KLF12: variants seen among roughly 807,000 people sequenced by gnomAD.
KLF12 encodes KLF transcription factor 12.
In KLF12, 9 loss-of-function variants were observed where a neutral mutation model predicts 37.8. The observed-to-expected ratio is 0.24, with a 90% CI of 0.14 to 0.42. KLF12 has a LOEUF of 0.42. KLF12 is among the 10% of genes least tolerant of loss of function. The pLI is 1.00. For synonymous variants in KLF12, 208 were observed against 202.1 expected (o/e 1.03, Z -0.25); for missense variants, 411 against 516.0 (o/e 0.80, Z 1.97).
At chr13:73,895,330 A>G (rs757296367) in intron 3 of KLF12, among the ~76,000 whole-genome samples, 3 of 152,198 alleles carry the variant, frequency 2.0e-5, no homozygotes, top group Non-Finnish European at 4.4e-5. Context: ...GTGAAACCAC[A>G]GTTAAGTAGT....
chr13:74,178,301 A>C, the KLF12 span, among the ~76,000 whole-genome samples: 1 of 152,246 alleles, frequency 6.6e-6, no homozygotes, highest in African/African-American at 2.4e-5. Context: ...CCCCTGACGC[A>C]AAAATGACTA....
the KLF12 span, among the ~76,000 whole-genome samples, chr13:74,230,644 G>A: frequency 6.6e-6 from 1 of 152,308 alleles, no homozygotes; most frequent in East Asian, 1.9e-4. Context: ...TATGGAGGCA[G>A]AGGATTGTCT....
chr13:74,027,301 T>C (rs1023660724), intron 1 of KLF12, among the ~76,000 whole-genome samples: 3 of 152,338 alleles, frequency 2.0e-5, no homozygotes, highest in Admixed American at 2.0e-4. Flanking sequence ...TTCTTTTCTC[T>C]GTAGTTCTCA....
intron 1 of KLF12, among the ~76,000 whole-genome samples, chr13:74,041,733 C>T (rs184962446): frequency 1.6e-4 from 24 of 147,974 alleles, no homozygotes; most frequent in Admixed American, 1.6e-3. Flanking sequence ...CACACACACA[C>T]CCCTTCAAAA....
Position 73,693,921 on chromosome 13 carries a change from T to G in KLF12, c.*1569A>C, listed in dbSNP as rs1402751077. 1 of 152,620 alleles carries G rather than the reference T, an allele frequency of 6.6e-6. No homozygotes were observed. The highest frequency in any genetic ancestry group is 1.5e-5 in the Non-Finnish European group (1 of 68,036). The allele number at this position is 152,620 out of a possible 1,614,324, so 9.5% of individuals were successfully genotyped here. ...GAAAGAATGCTCGTTGGTGATGTAT[T>G]GCTTGTTTACTGTATATGTTCCTAG... On this transcript the variant is annotated 3_prime_UTR_variant, in exon 8 of 8. Transcript: ENST00000377669.
At chr13:73,882,334 T>C (rs1887019729) in intron 3 of KLF12, among the ~76,000 whole-genome samples, 1 of 152,210 alleles carries the variant, frequency 6.6e-6, no homozygotes, top group South Asian at 2.1e-4. Context: ...TTTCTGACTT[T>C]CATACAAATG....
At chr13:74,011,894 A>G (rs1220962485) in intron 1 of KLF12, among the ~76,000 whole-genome samples, 2 of 152,298 alleles carry the variant, frequency 1.3e-5, no homozygotes, top group Non-Finnish European at 2.9e-5. Flanking sequence ...TCTTTTCACT[A>G]TGGTGATTAG....
At chr13:73,804,431 CT>C (rs926290777) in intron 5 of KLF12, among the ~76,000 whole-genome samples, 18 of 148,394 alleles carry the variant, frequency 1.2e-4, no homozygotes, top group East Asian at 2.0e-4. Context: ...CTTCATTATA[CT>C]TTTTTTTTTA....
chr13:74,089,803 G>GAAAA (rs35244601), intron 1 of KLF12, among the ~76,000 whole-genome samples: 1 of 117,780 alleles, frequency 8.5e-6, no homozygotes, highest in Non-Finnish European at 1.7e-5. Flanking sequence ...CATGCAGGGG[G>GAAAA]AAAAAAAAAA....
At chr13:74,090,081 A>G (rs1447360753) in intron 1 of KLF12, among the ~76,000 whole-genome samples, 7 of 152,162 alleles carry the variant, frequency 4.6e-5, no homozygotes, top group African/African-American at 1.7e-4. Flanking sequence ...CTAATAAATG[A>G]GTTCAGCAAA....
At chr13:74,136,273 G>C (rs563952057), upstream of KLF12, among the ~76,000 whole-genome samples, 97 of 152,276 alleles carry the variant, frequency 6.4e-4, no homozygotes, top group East Asian at 0.016. Context: ...CTGTTCCGGG[G>C]AATGCAGCCG....
intron 5 of KLF12, among the ~76,000 whole-genome samples, chr13:73,790,242 T>C (rs2138262264): frequency 6.6e-6 from 1 of 152,368 alleles, no homozygotes; most frequent in East Asian, 1.9e-4. Context: ...GTCTGACTTT[T>C]ATAGCTAATC....
At chr13:74,175,116 C>T in the KLF12 span, among the ~76,000 whole-genome samples, 2 of 152,170 alleles carry the variant, frequency 1.3e-5, no homozygotes, top group Non-Finnish European at 2.9e-5. Flanking sequence ...GCTTCCATAG[C>T]CCCTGCCACA....
intron 3 of KLF12, among the ~76,000 whole-genome samples, chr13:73,855,025 G>A (rs1885533830): frequency 1.3e-5 from 2 of 152,144 alleles, no homozygotes; most frequent in Non-Finnish European, 2.9e-5. Flanking sequence ...AGCTGCAATG[G>A]GTAAGTGTCA....
chr13:74,160,881 T>C, the KLF12 span, among the ~76,000 whole-genome samples: 1 of 152,004 alleles, frequency 6.6e-6, no homozygotes, highest in South Asian at 2.1e-4. Context: ...AAAGTTCTGA[T>C]AGGCAAGAGA....
At chr13:73,872,293 A>C (rs1399204307) in intron 3 of KLF12, among the ~76,000 whole-genome samples, 1 of 152,182 alleles carries the variant, frequency 6.6e-6, no homozygotes, top group African/African-American at 2.4e-5. Context: ...TAGGGACCAA[A>C]ATTCTTCCTT....
At chr13:73,723,678 G>A (rs1876442481) in intron 6 of KLF12, among the ~76,000 whole-genome samples, 1 of 152,052 alleles carries the variant, frequency 6.6e-6, no homozygotes, top group Non-Finnish European at 1.5e-5. Flanking sequence ...GGACTCTCTA[G>A]AATCATGCTA....
intron 4 of KLF12, 119 bp downstream of exon 4, chr13:73,845,708 G>A (rs1375775286): frequency 1.2e-5 from 10 of 831,772 alleles, no homozygotes; most frequent in Admixed American, 2.6e-5. Flanking sequence ...GTGTCTCCAC[G>A]TTGCTCTACA....
intron 3 of KLF12, among the ~76,000 whole-genome samples, chr13:73,877,764 G>A (rs549909436): frequency 7.2e-5 from 11 of 152,214 alleles, no homozygotes; most frequent in Middle Eastern, 3.4e-3. Flanking sequence ...TCATTTCTAT[G>A]AAGATCTTAT....
Sources: gnomAD v4.1 joint callset for allele counts (sites outside exome capture counted in the v4.1 genomes callset) on GRCh38, gnomAD v4.1.1 for gene constraint, MANE v1.5 for transcripts, NCBI Gene and HGNC (gene_info 2026-07-23, HGNC 2026-07-21) for gene names.